BAZ2B: variants seen among roughly 807,000 people sequenced by gnomAD.
The protein encoded by BAZ2B is bromodomain adjacent to zinc finger domain protein 2B.
BAZ2B carries 91 observed loss-of-function variants against 246.0 expected under a neutral mutation model. That is an observed-to-expected ratio of 0.37 (90% CI 0.31 to 0.44). The LOEUF is 0.44. Ranked by LOEUF, BAZ2B falls within the 20% of genes least tolerant of loss-of-function variation. The pLI, the probability that BAZ2B is intolerant of heterozygous loss-of-function variation, is 1.00. For missense variants in BAZ2B, 2,332 were observed against 2,533.7 expected (o/e 0.92, Z 1.71); for synonymous variants, 855 against 860.0 (o/e 0.99, Z 0.10).
chr2:159,398,655 T>A (rs1362770180), intron 18 of BAZ2B, among the ~76,000 whole-genome samples, 174 bp downstream of exon 18: 1 of 152,098 alleles, frequency 6.6e-6, no homozygotes, highest in African/African-American at 2.4e-5. Flanking sequence ...AAAATAAAAA[T>A]ACACATACAA....
chr2:159,321,579 AAAAG>A (rs2062721224), intron 36 of BAZ2B, among the ~76,000 whole-genome samples: 1 of 152,236 alleles, frequency 6.6e-6, no homozygotes, highest in Non-Finnish European at 1.5e-5. Flanking sequence ...CAGCCATAAA[AAAAG>A]AATGAGATTT....
the BAZ2B span, chr2:159,694,979 T>C: frequency 6.6e-6 from 1 of 152,200 alleles, no homozygotes; most frequent in South Asian, 2.1e-4. Context: ...TCATCAACAT[T>C]TTTTACTGTC....
intron 34 of BAZ2B, among the ~76,000 whole-genome samples, chr2:159,332,221 G>C (rs1375817532): frequency 3.9e-5 from 6 of 151,952 alleles, no homozygotes; most frequent in Non-Finnish European, 2.9e-5. Flanking sequence ...AGGTGCAGTG[G>C]CTTGCATTTG....
At chr2:159,566,014 G>T (rs1682476011) in intron 1 of BAZ2B, among the ~76,000 whole-genome samples, 1 of 151,918 alleles carries the variant, frequency 6.6e-6, no homozygotes, top group Non-Finnish European at 1.5e-5. Flanking sequence ...AAGCAATGTT[G>T]ACTTTTTTGT....
intron 2 of BAZ2B, among the ~76,000 whole-genome samples, chr2:159,499,386 T>C (rs2081476092): frequency 6.6e-6 from 1 of 152,228 alleles, no homozygotes; most frequent in Admixed American, 6.5e-5. Context: ...TAGTATTCCA[T>C]GGTGTATGTA....
the BAZ2B span, among the ~76,000 whole-genome samples, chr2:159,656,223 T>C: frequency 6.6e-6 from 1 of 152,132 alleles, no homozygotes; most frequent in Non-Finnish European, 1.5e-5. Flanking sequence ...TACAAAAAAA[T>C]AAGTTGCAAG....
At chr2:159,419,146 T>C (rs919322409) in intron 13 of BAZ2B, among the ~76,000 whole-genome samples, 3 of 152,206 alleles carry the variant, frequency 2.0e-5, no homozygotes, top group Non-Finnish European at 2.9e-5. Context: ...TTTGTTTATA[T>C]GAAACTTTTA....
chr2:159,348,549 T>C (rs1225501676), intron 30 of BAZ2B, 129 bp downstream of exon 30: 5 of 1,100,008 alleles, frequency 4.5e-6, no homozygotes, highest in Non-Finnish European at 6.2e-6. Flanking sequence ...TGATCTGCGA[T>C]TGGTTGAATC....
intron 2 of BAZ2B, among the ~76,000 whole-genome samples, chr2:159,501,136 ATTTT>A: frequency 1.1e-4 from 3 of 26,278 alleles, no homozygotes; most frequent in Admixed American, 3.4e-4. Context: ...ATATATATAT[ATTTT>A]ATATATATAA....
intron 2 of BAZ2B, among the ~76,000 whole-genome samples, chr2:159,549,824 C>CTTTCTTT (rs1553710770): frequency 7.6e-6 from 1 of 131,134 alleles, no homozygotes; most frequent in Admixed American, 7.7e-5. Flanking sequence ...TTTTTTCTTT[C>CTTTCTTT]TTTTTTTTTT....
At chr2:159,433,466 T>TG in intron 8 of BAZ2B, 103 bp from the exon 9 acceptor site, 1 of 1,033,238 alleles carries the variant, frequency 9.7e-7, no homozygotes, top group Non-Finnish European at 1.4e-6. Context: ...TATTATATCA[T>TG]ATATAAATTT....
chr2:159,665,471 C>G, the BAZ2B span, among the ~76,000 whole-genome samples: 1 of 17,704 alleles, frequency 5.6e-5, no homozygotes, highest in African/African-American at 2.0e-4. Context: ...GCTACAGTAA[C>G]CAAAACAGCA....
At chr2:159,652,706 C>A in the BAZ2B span, among the ~76,000 whole-genome samples, 1 of 152,078 alleles carries the variant, frequency 6.6e-6, no homozygotes, top group African/African-American at 2.4e-5. Flanking sequence ...ACAGCCCTAA[C>A]CTCCTGGGTC....
rs796511814 is a variant in BAZ2B at position 159,383,510 on chromosome 2, AT to A, written c.3761+95del. 18 of 1,073,176 alleles carry A rather than the reference AT, an allele frequency of 1.7e-5. No individual in the cohort carries two copies. The South Asian group carries it at 2.6e-4, about 15-fold the overall frequency. 66.5% of individuals were successfully genotyped at this position (1,073,176 alleles called of 1,614,324 possible). On this transcript the variant is annotated intron_variant, in intron 24 of 36. Transcript: ENST00000392783. ...TTGAGCATTATCTTTTCTTTAGACA[AT>A]AAAAGTTTAAATTCTATCTTTGCAA...
chr2:159,536,250 C>T (rs2085972884), intron 2 of BAZ2B: 1 of 151,764 alleles, frequency 6.6e-6, no homozygotes, highest in South Asian at 2.1e-4. Flanking sequence ...TTTTTTAAGG[C>T]TAGTCAAGCA....
intron 2 of BAZ2B, among the ~76,000 whole-genome samples, chr2:159,508,863 G>T (rs1388199028): frequency 6.6e-6 from 1 of 152,076 alleles, no homozygotes; most frequent in Non-Finnish European, 1.5e-5. Context: ...ATTCATTACT[G>T]TTTGTGGGTT....
intron 31 of BAZ2B, among the ~76,000 whole-genome samples, chr2:159,339,990 AG>A: frequency 6.6e-6 from 1 of 152,204 alleles, no homozygotes; most frequent in Non-Finnish European, 1.5e-5. Context: ...CAGAAGAAAT[AG>A]GAGAATACAT....
chr2:159,497,513 T>A (rs952523931), intron 2 of BAZ2B, among the ~76,000 whole-genome samples: 2 of 152,166 alleles, frequency 1.3e-5, no homozygotes, highest in Non-Finnish European at 2.9e-5. Flanking sequence ...GAAACAGATA[T>A]AACCCAAGGA....
At chr2:159,347,907 G>GA (rs1373393093) in intron 30 of BAZ2B, among the ~76,000 whole-genome samples, 1 of 152,108 alleles carries the variant, frequency 6.6e-6, no homozygotes, top group Non-Finnish European at 1.5e-5. Context: ...GAGTAAAACA[G>GA]AAAAAAATAG....
Sources: gnomAD v4.1 joint callset for allele counts (sites outside exome capture counted in the v4.1 genomes callset) on GRCh38, gnomAD v4.1.1 for gene constraint, MANE v1.5 for transcripts, NCBI Gene and HGNC (gene_info 2026-07-23, HGNC 2026-07-21) for gene names.